SCFD2: variants seen among roughly 807,000 people sequenced by gnomAD.
The protein encoded by SCFD2 is sec1 family domain containing 2.
Under a neutral mutation model 58.9 loss-of-function variants are expected in SCFD2, and 54 were observed. That is an observed-to-expected ratio of 0.92 (90% CI 0.74 to 1.15). The LOEUF is 1.15. Ranked by LOEUF, SCFD2 falls within the 50% of genes most tolerant of loss-of-function variation. SCFD2 has a pLI of 0.00. For missense variants in SCFD2, 805 were observed against 836.6 expected (o/e 0.96, Z 0.47); for synonymous variants, 321 against 335.9 (o/e 0.96, Z 0.49).
At chr4:53,273,618 C>A in intron 4 of SCFD2, 2 of 455,568 alleles carry the variant, frequency 4.4e-6, no homozygotes, top group Non-Finnish European at 7.7e-6. Flanking sequence ...AAATGAGAAG[C>A]CAAAGATGTT....
intron 4 of SCFD2, among the ~76,000 whole-genome samples, chr4:53,267,659 C>A (rs923141499): frequency 6.6e-6 from 1 of 152,166 alleles, no homozygotes; most frequent in Non-Finnish European, 1.5e-5. Flanking sequence ...CAGGCCACTG[C>A]AGCCTCAAAC....
In SCFD2 at chr4:53,269,438, AT is replaced by A. The variant is rs201654237; in HGVS notation, c.1311+4387del. ...TGTTTTAAAATGGTATAATTGGTAAATTCACAATCATTGTGAGTAATTTAAA... is the reference window on the plus strand; with the variant it reads ...TGTTTTAAAATGGTATAATTGGTAAATCACAATCATTGTGAGTAATTTAAA... On this transcript the variant is annotated intron_variant, in intron 4 of 8. Coordinates refer to ENST00000401642, the MANE Select transcript of SCFD2 (RefSeq NM_152540.4). 9.2e-3 allele frequency among the ~76,000 whole-genome samples: 1,394 copies of A among 152,348 alleles called. 22 individuals are homozygous for A. Among genetic ancestry groups the A allele is most frequent in the African/African-American group, 0.032 (1,315 of 41,582 alleles).
chr4:53,215,724 A>C (rs778051905), intron 4 of SCFD2, among the ~76,000 whole-genome samples: 3 of 152,084 alleles, frequency 2.0e-5, no homozygotes, highest in Non-Finnish European at 4.4e-5. Flanking sequence ...GTCTTGTGCC[A>C]GTTTTCAAAG....
At chr4:53,173,846 C>T (rs935419435) in intron 4 of SCFD2, among the ~76,000 whole-genome samples, 15 of 152,156 alleles carry the variant, frequency 9.9e-5, no homozygotes, top group Admixed American at 6.5e-5. Context: ...CACCTCTACA[C>T]TTTTACTCCC....
chr4:53,095,837 A>C (rs1724608482), intron 5 of SCFD2, among the ~76,000 whole-genome samples: 1 of 129,548 alleles, frequency 7.7e-6, no homozygotes, highest in African/African-American at 2.6e-5. Flanking sequence ...CGTCATTTAC[A>C]TTAGGTATAT....
rs149602083 is a variant in SCFD2, at chr4:53,270,710, A to G, written c.1311+3116T>C. ...ACGAGTCAAGATATTCCTACATGCC[A>G]ACAATAAACATCTGGAAAACTGAAT... On this transcript the variant is annotated intron_variant, in intron 4 of 8. Coordinates refer to ENST00000401642, the MANE Select transcript of SCFD2 (RefSeq NM_152540.4). Among the ~76,000 whole-genome samples, 1,353 of 152,356 alleles carry G rather than the reference A, an allele frequency of 8.9e-3. 13 individuals are homozygous for G. Among genetic ancestry groups the G allele is most frequent in the Middle Eastern group, 0.048 (14 of 294 alleles).
intron 5 of SCFD2, among the ~76,000 whole-genome samples, chr4:53,106,854 C>G (rs749035849): frequency 7.2e-5 from 11 of 152,128 alleles, no homozygotes; most frequent in Non-Finnish European, 1.0e-4. Context: ...GGCCAACATT[C>G]AAATTCAGAA....
intron 4 of SCFD2, among the ~76,000 whole-genome samples, chr4:53,220,237 T>C (rs1277722801): frequency 6.6e-6 from 1 of 152,218 alleles, no homozygotes; most frequent in Non-Finnish European, 1.5e-5. Context: ...GAAGAGCCAA[T>C]ACAGCAAGGA....
chr4:52,894,239 A>G (rs1718947925), intron 7 of SCFD2, among the ~76,000 whole-genome samples: 1 of 152,220 alleles, frequency 6.6e-6, no homozygotes, highest in Non-Finnish European at 1.5e-5. Context: ...ACAAAAAAAG[A>G]ACTTCTTAAA....
intron 5 of SCFD2, chr4:52,955,904 T>C (rs993579935): frequency 5.6e-6 from 2 of 359,982 alleles, no homozygotes; most frequent in Admixed American, 3.7e-5. Flanking sequence ...AGGCAGCTAC[T>C]TGGCTGTGGG....
chr4:53,232,988 G>A (rs1729485803), intron 4 of SCFD2, among the ~76,000 whole-genome samples: 1 of 152,126 alleles, frequency 6.6e-6, no homozygotes, highest in African/African-American at 2.4e-5. Flanking sequence ...ACCCACTAAT[G>A]TTAAGCTAAC....
intron 4 of SCFD2, among the ~76,000 whole-genome samples, chr4:53,231,299 C>A (rs1041800378): frequency 6.6e-6 from 1 of 152,022 alleles, no homozygotes; most frequent in Admixed American, 6.6e-5. Flanking sequence ...TAATGCAAGC[C>A]GCACAACAGC....
intron 4 of SCFD2, among the ~76,000 whole-genome samples, chr4:53,273,003 G>A (rs1731222729): frequency 1.3e-5 from 2 of 152,132 alleles, no homozygotes; most frequent in Non-Finnish European, 2.9e-5. Context: ...TAAAAACAGT[G>A]AATTGAGCTT....
At chr4:53,349,174 G>A (rs1289369046) in intron 2 of SCFD2, among the ~76,000 whole-genome samples, 1 of 152,166 alleles carries the variant, frequency 6.6e-6, no homozygotes. Context: ...AGTTAGGAAC[G>A]ATTTTTATTT....
chr4:53,238,431 G>A (rs541356937), intron 4 of SCFD2, among the ~76,000 whole-genome samples: 1 of 149,326 alleles, frequency 6.7e-6, no homozygotes, highest in African/African-American at 2.5e-5. Flanking sequence ...TCCCGGATGG[G>A]CGGCTGGCCG....
intron 5 of SCFD2, among the ~76,000 whole-genome samples, chr4:53,103,359 CT>C (rs1345213731): frequency 4.6e-5 from 7 of 151,898 alleles, no homozygotes; most frequent in Admixed American, 6.6e-5. Context: ...AAGTTTTTCA[CT>C]GTTGGTGTGG....
chr4:53,063,040 AC>A (rs1218812317), intron 5 of SCFD2, among the ~76,000 whole-genome samples: 6 of 152,196 alleles, frequency 3.9e-5, no homozygotes, highest in African/African-American at 1.4e-4. Context: ...CATTCAGATG[AC>A]AAAATAGAAG....
intron 4 of SCFD2, among the ~76,000 whole-genome samples, chr4:53,187,110 A>G (rs1222268451): frequency 6.6e-6 from 1 of 152,112 alleles, no homozygotes; most frequent in Non-Finnish European, 1.5e-5. Flanking sequence ...GCTTGTACAA[A>G]TTAATAAGAT....
chr4:52,900,077 G>A lies in SCFD2; in HGVS notation c.1842+7380C>T, dbSNP rs1051773919. Among the ~76,000 whole-genome samples, 11 of 152,162 alleles carry A rather than the reference G, an allele frequency of 7.2e-5. No homozygotes were observed. In the East Asian group the frequency reaches 2.1e-3, roughly 29 times the overall value. On this transcript the variant is annotated intron_variant, in intron 7 of 8. Coordinates refer to ENST00000401642, the MANE Select transcript of SCFD2 (RefSeq NM_152540.4). Reference sequence around the variant, plus strand: ...TAATTTTTTTTCAAAGTTTTTAACTGCTTTGCCATGGGTTTGAACTTCCTC... The same window carrying A: ...TAATTTTTTTTCAAAGTTTTTAACTACTTTGCCATGGGTTTGAACTTCCTC...
Sources: gnomAD v4.1 joint callset for allele counts (sites outside exome capture counted in the v4.1 genomes callset) on GRCh38, gnomAD v4.1.1 for gene constraint, MANE v1.5 for transcripts, NCBI Gene and HGNC (gene_info 2026-07-23, HGNC 2026-07-21) for gene names.